RBM4B: variants seen among roughly 807,000 people sequenced by gnomAD.
RBM4B encodes the protein RNA-binding protein 4B.
RBM4B carries 13 observed loss-of-function variants against 28.5 expected under a neutral mutation model. The observed-to-expected ratio is 0.46, with a 90% CI of 0.30 to 0.72. RBM4B has a LOEUF of 0.72. Among genes scored for constraint, RBM4B ranks in the 30% least tolerant of loss-of-function variants. The pLI is 0.09. For synonymous variants in RBM4B, 167 were observed against 179.1 expected, an observed-to-expected ratio of 0.93 and a Z score of 0.54; for missense variants, 387 against 477.6, an observed-to-expected ratio of 0.81 and a Z score of 1.77.
intron 3 of RBM4B, 48 bp downstream of exon 3, chr11:66,668,567 T>A: frequency 6.7e-7 from 1 of 1,482,690 alleles, no homozygotes; most frequent in Non-Finnish European, 9.2e-7. Flanking sequence ...TGGGTCTCTT[T>A]CAAGGGAACT....
chr11:66,669,418 G>A (rs1279498733), intron 2 of RBM4B, 127 bp from the exon 3 acceptor site: 1 of 862,272 alleles, frequency 1.2e-6, no homozygotes. Flanking sequence ...CCCTATTTCA[G>A]CAACCTCCTT....
At chr11:66,677,218 C>T (rs149998504) in intron 1 of RBM4B, 127 bp from the exon 2 acceptor site, 6 of 1,205,672 alleles carry the variant, frequency 5.0e-6, no homozygotes, top group Non-Finnish European at 5.8e-6. Context: ...ATTCATTATT[C>T]TTCCTCAATA....
intron 1 of RBM4B, 24 bp from the exon 2 acceptor site, chr11:66,677,115 A>C (rs1939663917): frequency 1.2e-6 from 2 of 1,602,694 alleles, no homozygotes; most frequent in Non-Finnish European, 1.7e-6. Context: ...ACAAGACTTC[A>C]AAAGTCAGGG....
chr11:66,665,667 T>G (rs529278994), intron 3 of RBM4B, 89 bp from the exon 4 acceptor site: 3 of 1,519,110 alleles, frequency 2.0e-6, no homozygotes, highest in South Asian at 2.5e-5. Flanking sequence ...TGTCCTGTAT[T>G]CCGGGGGGAA....
At chr11:66,666,441 G>A (rs1330962121) in intron 3 of RBM4B, 6 of 987,732 alleles carry the variant, frequency 6.1e-6, no homozygotes, top group Non-Finnish European at 6.0e-6. Context: ...TTAACATCAG[G>A]CTCCTGGGAC....
intron 2 of RBM4B, among the ~76,000 whole-genome samples, chr11:66,671,468 G>C (rs1326028045): frequency 6.6e-6 from 1 of 152,170 alleles, no homozygotes; most frequent in African/African-American, 2.4e-5. Flanking sequence ...CAATTGTGAA[G>C]TCAGAGTGAC....
Position 66,669,298 on chromosome 11 carries a change from G to C in RBM4B, c.413-7C>G, listed in dbSNP as rs1046105309. The C allele has an allele frequency of 6.2e-7, 1 of 1,610,046 alleles. No homozygotes were observed. Among genetic ancestry groups the C allele is most frequent in the Non-Finnish European group, 8.5e-7 (1 of 1,176,904 alleles). On this transcript the variant is annotated splice_region_variant and splice_polypyrimidine_tract_variant and intron_variant, in intron 2 of 3. Transcript: ENST00000310046. ...TGCACATGCATTCTTTTGCCTTGAG[G>C]GAACAGATGTAAGAAGATTTATTTT...
chr11:66,669,049 C>T lies in RBM4B; in HGVS notation c.655G>A (p.Asp219Asn), dbSNP rs374733996. 3.7e-6 allele frequency: 6 copies of T among 1,614,040 alleles called. No homozygotes were observed. Among genetic ancestry groups the T allele is most frequent in the South Asian group, 1.1e-5 (1 of 91,082 alleles). The change falls in exon 3 of 4, where the codon GAC becomes AAC. Residue 219 changes from aspartate to asparagine, a missense_variant. Physicochemically the swap from Asp to Asn is conservative, Grantham distance 23. Transcript: ENST00000310046. Reference protein sequence around the residue: ...MYYNDAYGALDYYKRYRVRSY... With the variant: ...MYYNDAYGALNYYKRYRVRSY... ...CGGACCCGGTATCGCTTATAGTAGT[C>T]GAGTGCTCCATATGCATCGTTGTAA...
intron 3 of RBM4B, chr11:66,666,556 G>C (rs1939235714): frequency 9.1e-6 from 4 of 438,018 alleles, no homozygotes; most frequent in Non-Finnish European, 1.2e-5. Flanking sequence ...ACCACTGCTT[G>C]CAGTCAAAAT....
rs772273886 is a variant in RBM4B, at chr11:66,669,194, G to A, written c.510C>T (p.His170=). ...GATCTACTGGGCACTCTTTGGACCA[G>A]TGCCCTTCTTTCCCACACCGATAGC... ...SGCYRCGKEG[H]WSKECPVDRT... Residue 170 remains histidine (H), a synonymous_variant, in exon 3 of 4, where the codon CAC becomes CAT. Coordinates refer to ENST00000310046, the MANE Select transcript of RBM4B (RefSeq NM_031492.4). The A allele has an allele frequency of 5.6e-6, 9 of 1,614,056 alleles. No homozygotes were observed. The Admixed American group carries it at 8.3e-5, about 15-fold the overall frequency.
intron 2 of RBM4B, chr11:66,676,056 A>G (rs1331703871): frequency 6.5e-6 from 1 of 152,794 alleles, no homozygotes; most frequent in Non-Finnish European, 1.5e-5. Flanking sequence ...ATATTTAGAA[A>G]TTTCCTTTTC....
At chr11:66,666,383 G>A (rs1939231552) in intron 3 of RBM4B, 1 of 993,680 alleles carries the variant, frequency 1.0e-6, no homozygotes, top group Non-Finnish European at 1.2e-6. Flanking sequence ...GGTGAGACCC[G>A]AATTTGGATC....
At chr11:66,673,863 T>A (rs575847831) in intron 2 of RBM4B, among the ~76,000 whole-genome samples, 1 of 152,250 alleles carries the variant, frequency 6.6e-6, no homozygotes, top group South Asian at 2.1e-4. Flanking sequence ...TCTGTAAAAC[T>A]ACAACTTACT....
In RBM4B at chr11:66,676,981, G is replaced by A. The variant is rs1179342463; in HGVS notation, c.99C>T (p.Ile33=). 6.2e-7 allele frequency: 1 copy of A among 1,614,030 alleles called. No homozygotes were observed. ...EQYGKVLECD[I]IKNYGFVHIE... is the part of the protein sequence containing the mutation. ...TGTGCACAAAGCCGTAATTCTTAATGATGTCACATTCCAGCACCTTCCCAT... is the reference window on the plus strand; with the variant it reads ...TGTGCACAAAGCCGTAATTCTTAATAATGTCACATTCCAGCACCTTCCCAT... The change falls in exon 2 of 4, where the codon ATC becomes ATT. Residue 33 remains isoleucine (I), a synonymous_variant. Transcript: ENST00000310046.
chr11:66,665,890 C>A lies in RBM4B; in HGVS notation c.*10-312G>T, dbSNP rs895518213. 2.6e-6 allele frequency: 4 copies of A among 1,535,084 alleles called. No homozygotes were observed. The South Asian group carries it at 4.8e-5, about 18-fold the overall frequency. On this transcript the variant is annotated intron_variant, in intron 3 of 3. Coordinates refer to ENST00000310046, the MANE Select transcript of RBM4B (RefSeq NM_031492.4). ...CCCCTGTGACAGAAGGCTACTGTTG[C>A]TGTAACAAAGGGCATACATACATTT...
In RBM4B at chr11:66,665,384, G is replaced by A; in HGVS notation, c.*204C>T. ...AGGCTGAGAATATAAGGAACAGAGT[G>A]AAAGGCTACAGAGACTAGTTTCAGG... On this transcript the variant is annotated 3_prime_UTR_variant, in exon 4 of 4. Coordinates refer to ENST00000310046, the MANE Select transcript of RBM4B (RefSeq NM_031492.4). 1.6e-6 allele frequency: 1 copy of A among 616,104 alleles called. No individual in the cohort carries two copies. Among genetic ancestry groups the A allele is most frequent in the Non-Finnish European group, 2.9e-6 (1 of 347,812 alleles). The allele number at this position is 616,104 out of a possible 1,614,324, so 38.2% of individuals were successfully genotyped here.
intron 2 of RBM4B, chr11:66,675,696 C>A (rs1237102480): frequency 6.6e-6 from 1 of 152,182 alleles, no homozygotes; most frequent in Non-Finnish European, 1.5e-5. Flanking sequence ...ATACTGTTAA[C>A]AAAACACTTG....
At chr11:66,677,133 G>A (rs906610644) in intron 1 of RBM4B, 42 bp from the exon 2 acceptor site, 30 of 1,585,740 alleles carry the variant, frequency 1.9e-5, no homozygotes, top group Non-Finnish European at 2.3e-5. Context: ...GGGGTGTGGT[G>A]GGAAATTTCG....
At chr11:66,666,012 A>T (rs962228832) in intron 3 of RBM4B, 5 of 1,422,686 alleles carry the variant, frequency 3.5e-6, no homozygotes, top group African/African-American at 2.8e-5. Context: ...GTTTTGTTTT[A>T]ATCTTTCACA....
Sources: gnomAD v4.1 joint callset for allele counts (sites outside exome capture counted in the v4.1 genomes callset) on GRCh38, gnomAD v4.1.1 for gene constraint, MANE v1.5 for transcripts, NCBI Gene and HGNC (gene_info 2026-07-23, HGNC 2026-07-21) for gene names.